Variants in VAV3 observed in about 807,000 individuals in gnomAD.
VAV3 encodes vav guanine nucleotide exchange factor 3.
A neutral mutation model predicts 131.2 loss-of-function variants in VAV3; 94 were observed. That is an observed-to-expected ratio of 0.72 (90% CI 0.61 to 0.85). The LOEUF is 0.85. Ranked by LOEUF, VAV3 falls within the 40% of genes least tolerant of loss-of-function variation. VAV3 has a pLI of 0.00. For synonymous variants in VAV3, 349 were observed against 342.0 expected (o/e 1.02, Z -0.22); for missense variants, 939 against 1,002.7 (o/e 0.94, Z 0.86).
intron 19 of VAV3, among the ~76,000 whole-genome samples, chr1:107,666,809 T>C (rs543388886): frequency 1.3e-5 from 2 of 152,288 alleles, no homozygotes; most frequent in African/African-American, 4.8e-5. Context: ...TTAAGCCTCA[T>C]GACAACCCTA....
chr1:107,770,792 A>G, intron 5 of VAV3, 64 bp from the exon 6 acceptor site: 2 of 1,327,992 alleles, frequency 1.5e-6, no homozygotes, highest in Non-Finnish European at 2.1e-6. Context: ...ATCGGGAAGT[A>G]GAGATCAAAA....
At chr1:107,746,752 TG>T (rs1380049421) in intron 15 of VAV3, among the ~76,000 whole-genome samples, 3 of 152,260 alleles carry the variant, frequency 2.0e-5, no homozygotes, top group African/African-American at 7.2e-5. Context: ...TCCATAAAAG[TG>T]GGATTACTTT....
chr1:107,954,978 G>A (rs887734557), intron 1 of VAV3, among the ~76,000 whole-genome samples: 2 of 152,158 alleles, frequency 1.3e-5, no homozygotes, highest in African/African-American at 4.8e-5. Flanking sequence ...CACGGTGTTG[G>A]ACAATTAGAT....
At chr1:107,869,265 G>A (rs999912454) in intron 2 of VAV3, among the ~76,000 whole-genome samples, 4 of 152,114 alleles carry the variant, frequency 2.6e-5, no homozygotes, top group African/African-American at 7.2e-5. Context: ...AAAGAGAAAC[G>A]ATGGCTGTGC....
chr1:107,906,796 A>T (rs76445487), intron 1 of VAV3, among the ~76,000 whole-genome samples: 3,320 of 152,332 alleles, frequency 0.022, 59 homozygotes, highest in Non-Finnish European at 0.037. Flanking sequence ...AAGGGAGAAA[A>T]GCAGGGTGAG....
At position 107,571,843 on chromosome 1, in the gene VAV3, T is replaced by G. The variant is rs550229468; in HGVS notation, c.*1488A>C. 1.3e-5 allele frequency: 2 copies of G among 152,778 alleles called. No individual in the cohort carries two copies. The highest frequency in any genetic ancestry group is 3.9e-4 in the East Asian group (2 of 5,180). 9.5% of individuals were successfully genotyped at this position (152,778 alleles called of 1,614,324 possible). On this transcript the variant is annotated 3_prime_UTR_variant, in exon 27 of 27. Coordinates refer to ENST00000370056, the MANE Select transcript of VAV3 (RefSeq NM_006113.5). ...CCCATGAGGGTCTCTAACAGGGGGA[T>G]GTGTCCACTGAACCTTGAGTTCTGG...
intron 22 of VAV3, among the ~76,000 whole-genome samples, chr1:107,605,353 A>G (rs776281781): frequency 1.2e-4 from 18 of 152,154 alleles, no homozygotes; most frequent in Non-Finnish European, 2.4e-4. Context: ...TCTTTGGAGT[A>G]GGTTCCTGAT....
At chr1:107,858,762 A>C (rs1424670942) in intron 2 of VAV3, among the ~76,000 whole-genome samples, 2 of 152,222 alleles carry the variant, frequency 1.3e-5, no homozygotes, top group African/African-American at 4.8e-5. Context: ...TTGGGGACTG[A>C]TGCTCTAGAT....
chr1:107,937,428 T>G (rs553139075), intron 1 of VAV3, among the ~76,000 whole-genome samples: 1 of 152,220 alleles, frequency 6.6e-6, no homozygotes, highest in Admixed American at 6.5e-5. Flanking sequence ...AATACCAGTA[T>G]GTCATTTCCT....
chr1:107,689,137 A>G (rs900671824), intron 17 of VAV3, among the ~76,000 whole-genome samples: 1 of 152,160 alleles, frequency 6.6e-6, no homozygotes, highest in Non-Finnish European at 1.5e-5. Flanking sequence ...CGCACACGGC[A>G]CTTGGAAAAC....
intron 2 of VAV3, among the ~76,000 whole-genome samples, chr1:107,792,131 C>T (rs1457148685): frequency 6.6e-6 from 1 of 152,126 alleles, no homozygotes; most frequent in African/African-American, 2.4e-5. Flanking sequence ...TCCACTGAAC[C>T]CTCTGCTGGG....
chr1:107,867,676 G>A (rs940181973), intron 2 of VAV3, among the ~76,000 whole-genome samples: 1 of 152,144 alleles, frequency 6.6e-6, no homozygotes, highest in Non-Finnish European at 1.5e-5. Context: ...TGCTCAGGGG[G>A]ACAAAGCAAA....
At chr1:107,918,984 G>A (rs1672759099) in intron 1 of VAV3, among the ~76,000 whole-genome samples, 1 of 152,006 alleles carries the variant, frequency 6.6e-6, no homozygotes, top group African/African-American at 2.4e-5. Context: ...TGGGATTACA[G>A]GCACGAGCCA....
At chr1:107,689,802 T>C (rs1659300413) in intron 17 of VAV3, among the ~76,000 whole-genome samples, 1 of 152,180 alleles carries the variant, frequency 6.6e-6, no homozygotes, top group Non-Finnish European at 1.5e-5. Context: ...CCAAGAGCGC[T>C]GGTTTGGGAA....
intron 19 of VAV3, among the ~76,000 whole-genome samples, chr1:107,675,566 C>A (rs1428412344): frequency 1.3e-5 from 2 of 152,114 alleles, no homozygotes; most frequent in Non-Finnish European, 2.9e-5. Flanking sequence ...CTCTTTCTTT[C>A]CTCATTACTC....
In VAV3 at chr1:107,923,512, G is replaced by C. The variant is rs551868522; in HGVS notation, c.204+41154C>G. Among the ~76,000 whole-genome samples the C allele has an allele frequency of 8.8e-4, 134 of 152,210 alleles. 2 individuals carry two copies. The highest frequency in any genetic ancestry group is 2.9e-3 in the African/African-American group (122 of 41,534). On this transcript the variant is annotated intron_variant, in intron 1 of 26. Transcript: ENST00000370056. ...CTATTAAAAAAAAATACTTAAGACT[G>C]GTTAATTTATAAAGAAAAGAAGTTT... is the stretch of plus-strand genomic sequence containing the variant.
At chr1:107,622,104 C>T (rs970800184) in intron 20 of VAV3, among the ~76,000 whole-genome samples, 4 of 152,082 alleles carry the variant, frequency 2.6e-5, no homozygotes, top group African/African-American at 7.2e-5. Context: ...TCCTGAAAAG[C>T]AATTTTTTTC....
At chr1:107,629,701 C>T (rs1171977479) in intron 20 of VAV3, among the ~76,000 whole-genome samples, 1 of 152,142 alleles carries the variant, frequency 6.6e-6, no homozygotes, top group Non-Finnish European at 1.5e-5. Flanking sequence ...TACATTTTTA[C>T]AGCTCAATTG....
intron 2 of VAV3, among the ~76,000 whole-genome samples, chr1:107,866,927 GA>G (rs568930693): frequency 3.5e-5 from 5 of 143,806 alleles, no homozygotes; most frequent in Non-Finnish European, 4.6e-5. Flanking sequence ...GTCTCCAAAG[GA>G]AAAAAAAAAG....
Sources: allele counts gnomAD v4.1 joint callset (sites outside exome capture counted in the v4.1 genomes callset), GRCh38; gene constraint gnomAD v4.1.1; transcripts MANE v1.5; gene names NCBI Gene and HGNC (gene_info 2026-07-23, HGNC 2026-07-21).